JAG2: variants seen among roughly 807,000 people sequenced by gnomAD.
The protein encoded by JAG2 is protein jagged-2.
Under a neutral mutation model 141.7 loss-of-function variants are expected in JAG2, and 46 were observed. That is an observed-to-expected ratio of 0.32 (90% CI 0.26 to 0.42). JAG2 has a LOEUF of 0.42. Among genes scored for constraint, JAG2 ranks in the 10% least tolerant of loss-of-function variants. JAG2 has a pLI of 1.00. For missense variants in JAG2, 1,500 were observed against 1,817.5 expected (o/e 0.83, Z 3.18); for synonymous variants, 862 against 763.5 (o/e 1.13, Z -2.13).
At chr14:105,164,084 C>T (rs1347598415) in intron 2 of JAG2, among the ~76,000 whole-genome samples, 2 of 151,762 alleles carry the variant, frequency 1.3e-5, no homozygotes, top group Non-Finnish European at 2.9e-5. Flanking sequence ...CCAGGCCTGC[C>T]GCCTGCTCCC....
intron 2 of JAG2, among the ~76,000 whole-genome samples, chr14:105,165,732 T>C (rs1645339468): frequency 6.6e-6 from 1 of 152,124 alleles, no homozygotes; most frequent in South Asian, 2.1e-4. Context: ...CCACTCCTCT[T>C]CCACAAGGCC....
chr14:105,155,020 C>T (rs1209082751), intron 5 of JAG2, among the ~76,000 whole-genome samples: 2 of 143,678 alleles, frequency 1.4e-5, no homozygotes, highest in East Asian at 4.2e-4. Flanking sequence ...CCCACATGCC[C>T]CACAGCGGCC....
Position 105,142,663 on chromosome 14 carries a change from G to A in JAG2, c.*32C>T. ...GCAGACGGCATGGCTCCCACCGAGGGCCCTGGGTCCCGGCCCAGCTGGCAG... is the reference window on the plus strand; with the variant it reads ...GCAGACGGCATGGCTCCCACCGAGGACCCTGGGTCCCGGCCCAGCTGGCAG... On this transcript the variant is annotated 3_prime_UTR_variant, in exon 26 of 26. Transcript: ENST00000331782. 1 of 1,531,726 alleles carries A rather than the reference G, an allele frequency of 6.5e-7. No homozygotes were observed. Among genetic ancestry groups the A allele is most frequent in the South Asian group, 1.2e-5 (1 of 85,212 alleles). The allele number at this position is 1,531,726 out of a possible 1,614,324, so 94.9% of individuals were successfully genotyped here.
chr14:105,156,095 G>T (rs1009768714), intron 3 of JAG2, 106 bp from the exon 4 acceptor site: 2 of 1,413,364 alleles, frequency 1.4e-6, no homozygotes, highest in Admixed American at 2.0e-5. Flanking sequence ...TGCAAGGCCG[G>T]GGCACAGCAG....
At chr14:105,151,190 GC>G in intron 9 of JAG2, 86 bp from the exon 10 acceptor site, 1 of 1,436,470 alleles carries the variant, frequency 7.0e-7, no homozygotes. Flanking sequence ...CAGCCCAGCA[GC>G]CCCAGCAGCC....
At chr14:105,157,815 C>T (rs587664873) in intron 2 of JAG2, 52 bp from the exon 3 acceptor site, 14 of 1,492,446 alleles carry the variant, frequency 9.4e-6, no homozygotes, top group Middle Eastern at 2.0e-4. Flanking sequence ...CTGCCTGCCT[C>T]GTTCAGGGTG....
chr14:105,168,446 CCCG>C lies in JAG2; in HGVS notation c.-29_-27del. The C allele has an allele frequency of 2.5e-4, 176 of 706,798 alleles. No individual in the cohort carries two copies. The highest frequency in any genetic ancestry group is 2.8e-4 in the Non-Finnish European group (164 of 578,078). 43.8% of individuals were successfully genotyped at this position (706,798 alleles called of 1,614,324 possible). ...TGCCCCCGCGACCCGCCCGCCCGGC[CCCG>C]CCGCCGCCGCCCGCGCCCGGCTCCC... On this transcript the variant is annotated 5_prime_UTR_variant, in exon 1 of 26. Transcript: ENST00000331782.
chr14:105,167,893 G>C lies in JAG2; in HGVS notation c.281C>G (p.Ala94Gly). 1 of 1,586,184 alleles carries C rather than the reference G, an allele frequency of 6.3e-7. No homozygotes were observed. The highest frequency in any genetic ancestry group is 8.5e-7 in the Non-Finnish European group (1 of 1,171,290). Residue 94 changes from alanine to glycine, a missense_variant, in exon 2 of 26, where the codon GCC becomes GGC. Ala to Gly is a moderately conservative substitution (Grantham distance 60). Around this residue, in one of 3 missense-constraint regions of JAG2, gnomAD observed 200 missense variants for 174.3 expected, o/e 1.15. Transcript: ENST00000331782. This position sits in a 1 kb window ranked among gnomAD's most constrained non-coding sequence, Gnocchi z 4.8. ...GGAGTTGCCGCCCAGCACGGGCGTG[G>C]CGCCGTGGCCGTAGCTGCAGGGCCC... The part of the protein sequence containing the change: ...PTGPCSYGHG[A>G]TPVLGGNSFY...
At position 105,142,426 on chromosome 14, in the gene JAG2, T is replaced by C; in HGVS notation, c.*269A>G. 2.1e-6 allele frequency: 1 copy of C among 469,282 alleles called. No individual in the cohort carries two copies. 29.1% of individuals were successfully genotyped at this position (469,282 alleles called of 1,614,324 possible). A position where few individuals can be genotyped will look rare whatever the true frequency, so the allele number is the denominator to read the frequency against. On this transcript the variant is annotated 3_prime_UTR_variant, in exon 26 of 26. Transcript: ENST00000331782. ...ATTTGGTGACGACGCAGACACCCTTTGCTCTCTCCTTTCATACAGCGAGTG... is the reference window on the plus strand; with the variant it reads ...ATTTGGTGACGACGCAGACACCCTTCGCTCTCTCCTTTCATACAGCGAGTG...
rs758457016 is a variant in JAG2, at chr14:105,149,332, G to T, written c.1603-12C>A. On this transcript the variant is annotated splice_polypyrimidine_tract_variant and intron_variant, in intron 12 of 25. Transcript: ENST00000331782. The stretch of plus-strand genomic sequence containing the variant: ...AGGTCGACATCCACCTGCAGGGTGG[G>T]GGGTGCCTGTGAGAGCCTAGGCCCA... The T allele has an allele frequency of 6.2e-7, 1 of 1,612,420 alleles. No individual in the cohort carries two copies. The highest frequency in any genetic ancestry group is 1.7e-5 in the Admixed American group (1 of 60,006).
At chr14:105,148,564 CG>C in intron 15 of JAG2, 125 bp from the exon 16 acceptor site, 1 of 714,788 alleles carries the variant, frequency 1.4e-6, no homozygotes, top group Non-Finnish European at 2.3e-6. Flanking sequence ...AGCGTCGGGC[CG>C]GGGGAGCTGG....
At chr14:105,143,205 G>T in intron 25 of JAG2, 35 bp from the exon 26 acceptor site, 1 of 1,581,678 alleles carries the variant, frequency 6.3e-7, no homozygotes, top group Non-Finnish European at 8.5e-7. Context: ...TGGGCAATGA[G>T]GCCTGGGCAC....
At chr14:105,150,297 G>A (rs1888382905) in intron 12 of JAG2, among the ~76,000 whole-genome samples, 1 of 152,012 alleles carries the variant, frequency 6.6e-6, no homozygotes, top group Admixed American at 6.5e-5. Flanking sequence ...AGAGCCCCCT[G>A]CCCTCCAGTC....
chr14:105,158,146 C>T (rs587646233), intron 2 of JAG2, among the ~76,000 whole-genome samples: 5 of 152,282 alleles, frequency 3.3e-5, no homozygotes, highest in East Asian at 3.9e-4. Context: ...CATGGGCAGC[C>T]GGGACCCGAG....
rs751470399 is a variant in JAG2 at position 105,151,941 on chromosome 14, T to C, written c.1036A>G (p.Lys346Glu). 2 of 1,613,000 alleles carry C rather than the reference T, an allele frequency of 1.2e-6. No individual in the cohort carries two copies. The highest frequency in any genetic ancestry group is 4.5e-5 in the East Asian group (2 of 44,856). Residue 346 changes from lysine (K) to glutamate (E), a missense_variant, in exon 7 of 26, where the codon AAG (lysine) becomes GAG (glutamate). Lys to Glu is a moderately conservative substitution (Grantham distance 56). Coordinates refer to ENST00000331782, the MANE Select transcript of JAG2 (RefSeq NM_002226.5). ...PDGYSGRNCE[K>E]AEHACTSNPC... ...GGGTGGCCAGCCCCCCACGTACCCT[T>C]CTCACAGTTCCTGCCCGAGTAGCCG... is the stretch of plus-strand genomic sequence containing the variant.
rs370526870 is a variant in JAG2 at position 105,148,174 on chromosome 14, G to A, written c.2190C>T (p.Ser730=). ...TCSNGGTCYD[S]GDTFRCACPP... ...GGCAGGCGCAGCGGAAGGTGTCGCC[G>A]CTGTCGTAGCAGGTGCCACCGTTGC... The change falls in exon 17 of 26, where the codon AGC becomes AGT. Residue 730 remains serine, a synonymous_variant. Coordinates refer to ENST00000331782, the MANE Select transcript of JAG2 (RefSeq NM_002226.5). 1.7e-4 allele frequency: 261 copies of A among 1,551,634 alleles called. No individual in the cohort carries two copies. In the Middle Eastern group the frequency reaches 2.2e-3, roughly 13 times the overall value.
At chr14:105,151,238 C>T (rs147914644) in intron 9 of JAG2, 45 bp downstream of exon 9, 261 of 1,575,730 alleles carry the variant, frequency 1.7e-4, no homozygotes, top group Middle Eastern at 2.0e-4. Context: ...CCCCGCAGCC[C>T]GCATGCGCGG....
Position 105,167,705 on chromosome 14 carries a change from G to T in JAG2, c.417+52C>A. 7.2e-7 allele frequency: 1 copy of T among 1,379,952 alleles called. No individual in the cohort carries two copies. The allele number at this position is 1,379,952 out of a possible 1,614,324, so 85.5% of individuals were successfully genotyped here. A position where few individuals can be genotyped will look rare whatever the true frequency, so the allele number is the denominator to read the frequency against. ...GGGGGTCGCGAAGCGCGCGGGGCCG[G>T]GGCGCGGAGAGAGAGGGAAGGGCTG... On this transcript the variant is annotated intron_variant, in intron 2 of 25. Coordinates refer to ENST00000331782, the MANE Select transcript of JAG2 (RefSeq NM_002226.5). This position sits in a 1 kb window ranked among gnomAD's most constrained non-coding sequence, Gnocchi z 4.8.
At position 105,152,213 on chromosome 14, in the gene JAG2, C is replaced by G; in HGVS notation, c.867G>C (p.Glu289Asp). 1 of 1,613,674 alleles carries G rather than the reference C, an allele frequency of 6.2e-7. No individual in the cohort carries two copies. The highest frequency in any genetic ancestry group is 8.5e-7 in the Non-Finnish European group (1 of 1,180,010). The change falls in exon 6 of 26, where the codon GAG becomes GAC. Residue 289 changes from glutamate to aspartate, a missense_variant. Glu to Asp is a conservative substitution (Grantham distance 45, BLOSUM62 2). Coordinates refer to ENST00000331782, the MANE Select transcript of JAG2 (RefSeq NM_002226.5). ...YPGCVHGSCV[E>D]PWQCNCETNW... ...TGGTCTCACAGTTGCACTGCCAGGG[C>G]TCCACACAACTGCCATGCACGCAGC...
Sources: gnomAD v4.1 joint callset for allele counts (sites outside exome capture counted in the v4.1 genomes callset) on GRCh38, gnomAD v4.1.1 for gene constraint, gnomAD v4.1.1 regional missense constraint, Gnocchi (gnomAD v3.1) non-coding constraint, MANE v1.5 for transcripts, NCBI Gene and HGNC (gene_info 2026-07-23, HGNC 2026-07-21) for gene names.